CPZ: variants seen among roughly 807,000 people sequenced by gnomAD.
The protein encoded by CPZ is carboxypeptidase Z.
Under a neutral mutation model 61.8 loss-of-function variants are expected in CPZ, and 103 were observed. That is an observed-to-expected ratio of 1.67 (90% CI 1.42 to 1.96). The LOEUF (loss-of-function observed/expected upper bound fraction) is 1.96, where lower values mean the gene tolerates loss of function less well. Among genes scored for constraint, CPZ ranks in the 30% most tolerant of loss-of-function variants. CPZ has a pLI of 0.00. For synonymous variants in CPZ, 551 were observed against 373.7 expected, an observed-to-expected ratio of 1.47 and a Z score of -5.47; for missense variants, 1,461 against 914.9, an observed-to-expected ratio of 1.60 and a Z score of -7.70.
At chr4:8,600,976 A>G in intron 2 of CPZ, 147 bp from the exon 3 acceptor site, 7 of 1,405,222 alleles carry the variant, frequency 5.0e-6, no homozygotes, top group Admixed American at 3.1e-5. Context: ...CCTGCACAGT[A>G]GCTGTTGTCC....
Position 8,592,785 on chromosome 4 carries a change from C to A in CPZ, c.-49C>A. ...AGCGCAGAGCCCCGGCCCCGCGCGG[C>A]CCGAGTGCCACATCACTGCGCTGGC... On this transcript the variant is annotated 5_prime_UTR_variant, in exon 1 of 11. Transcript: ENST00000360986. The A allele has an allele frequency of 7.7e-7, 1 of 1,300,486 alleles. No homozygotes were observed. The highest frequency in any genetic ancestry group is 9.9e-7 in the Non-Finnish European group (1 of 1,007,630). The allele number at this position is 1,300,486 out of a possible 1,614,324, so 80.6% of individuals were successfully genotyped here. A position where few individuals can be genotyped will look rare whatever the true frequency, so the allele number is the denominator to read the frequency against.
intron 4 of CPZ, 145 bp from the exon 5 acceptor site, chr4:8,605,844 C>A: frequency 9.4e-6 from 7 of 744,480 alleles, no homozygotes; most frequent in East Asian, 8.2e-5. Context: ...TTGATGAGAC[C>A]TCATTATATA....
chr4:8,596,759 G>A (rs867208615), intron 1 of CPZ, among the ~76,000 whole-genome samples: 1 of 152,186 alleles, frequency 6.6e-6, no homozygotes, highest in Non-Finnish European at 1.5e-5. Flanking sequence ...GAAGCCACAG[G>A]AAGCCAGGAA....
chr4:8,594,367 C>T (rs1299139918), intron 1 of CPZ, among the ~76,000 whole-genome samples: 3 of 152,238 alleles, frequency 2.0e-5, no homozygotes, highest in African/African-American at 2.4e-5. Flanking sequence ...GGTGCTCTCT[C>T]CTCTCTGCCT....
rs1205694329 is a variant in CPZ at position 8,618,453 on chromosome 4, G to A, written c.1528G>A (p.Val510Met). The change falls in exon 10 of 11, where the codon GTG (valine) becomes ATG (methionine). Residue 510 changes from valine (V) to methionine (M), a missense_variant. Transcript: ENST00000360986. ...GGTGCACCGGGGCATCAAAGGTGTGGTGACAGATAAATTCGGCAAGCCAGT... is the reference window on the plus strand; with the variant it reads ...GGTGCACCGGGGCATCAAAGGTGTGATGACAGATAAATTCGGCAAGCCAGT... ...ETVHRGIKGVVTDKFGKPVKN... is the reference protein window; with the variant it reads ...ETVHRGIKGVMTDKFGKPVKN... 4 of 1,614,168 alleles carry A rather than the reference G, an allele frequency of 2.5e-6. No homozygotes were observed. The African/African-American group carries it at 4.0e-5, about 16-fold the overall frequency.
intron 4 of CPZ, 36 bp downstream of exon 4, chr4:8,604,224 T>C: frequency 6.7e-7 from 1 of 1,492,152 alleles, no homozygotes; most frequent in Non-Finnish European, 9.0e-7. Flanking sequence ...CTGGCCCCGT[T>C]TCGGGAAAGG....
In CPZ at chr4:8,611,900, G is replaced by A. The variant is rs2302576; in HGVS notation, c.1228-127G>A. ...ACACCGTTCCCCTCTCCTACCTGCAGACACCATTCCCCTCTCCTATCTGCA... is the reference window on the plus strand; with the variant it reads ...ACACCGTTCCCCTCTCCTACCTGCAAACACCATTCCCCTCTCCTATCTGCA... On this transcript the variant is annotated intron_variant, in intron 7 of 10. Coordinates refer to ENST00000360986, the MANE Select transcript of CPZ (RefSeq NM_001014447.3). The A allele has an allele frequency of 0.015, 20,467 of 1,342,960 alleles. 1,382 individuals carry two copies. In the East Asian group the frequency reaches 0.23, roughly 15 times the overall value. The allele number at this position is 1,342,960 out of a possible 1,614,324, so 83.2% of individuals were successfully genotyped here.
chr4:8,601,269 G>A lies in CPZ; in HGVS notation c.268G>A (p.Glu90Lys), dbSNP rs761264809. The A allele has an allele frequency of 3.1e-6, 5 of 1,613,612 alleles. No individual in the cohort carries two copies. In the South Asian group the frequency reaches 5.5e-5, roughly 18 times the overall value. ...GCTGAGCGTTCTACACCAGCTCCTG[G>A]AAGGCCAGTGCAACCCGGACCTGCG... ...ILLSVLHQLL[E>K]GQCNPDLRLL... The change falls in exon 3 of 11, where the codon GAA (glutamate) becomes AAA (lysine). Residue 90 changes from glutamate to lysine, a missense_variant. Transcript: ENST00000360986.
chr4:8,618,422 T>A lies in CPZ; in HGVS notation c.1504-7T>A. 6.2e-7 allele frequency: 1 copy of A among 1,614,058 alleles called. No individual in the cohort carries two copies. Among genetic ancestry groups the A allele is most frequent in the East Asian group, 2.2e-5 (1 of 44,878 alleles). On this transcript the variant is annotated splice_polypyrimidine_tract_variant and splice_region_variant and intron_variant, in intron 9 of 10. Coordinates refer to ENST00000360986, the MANE Select transcript of CPZ (RefSeq NM_001014447.3). ...CCATCTCCCTGGCCTCCCCTTGGTCTCTTCAGGTGCACCGGGGCATCAAAG... is the reference window on the plus strand; with the variant it reads ...CCATCTCCCTGGCCTCCCCTTGGTCACTTCAGGTGCACCGGGGCATCAAAG...
chr4:8,594,366 T>C (rs1463685829), intron 1 of CPZ, among the ~76,000 whole-genome samples: 2 of 152,192 alleles, frequency 1.3e-5, no homozygotes, highest in African/African-American at 2.4e-5. Context: ...TGGTGCTCTC[T>C]CCTCTCTGCC....
In CPZ at chr4:8,607,312, C is replaced by A. The variant is rs371681610; in HGVS notation, c.1114C>A (p.Pro372Thr). ...AATCATGAAGTGGATGCAGACCATA[C>A]CCTTTGTGCTCTCAGCCAGCCTTCA... ...KAIMKWMQTI[P>T]FVLSASLHGG... Residue 372 changes from proline (P) to threonine (T), a missense_variant, in exon 7 of 11, where the codon CCC becomes ACC. Pro to Thr is a conservative substitution (Grantham distance 38). Coordinates refer to ENST00000360986, the MANE Select transcript of CPZ (RefSeq NM_001014447.3). The A allele has an allele frequency of 2.5e-6, 4 of 1,614,114 alleles. No homozygotes were observed. The highest frequency in any genetic ancestry group is 2.2e-5 in the East Asian group (1 of 44,862).
At chr4:8,613,939 C>T (rs1047161943) in intron 8 of CPZ, among the ~76,000 whole-genome samples, 4 of 152,258 alleles carry the variant, frequency 2.6e-5, no homozygotes, top group South Asian at 2.1e-4. Flanking sequence ...GCGGCTGCCC[C>T]GTGCTGTGGG....
At chr4:8,607,060 G>GTGTTGGTGAGATTCAGAGATTCA (rs1243182808) in intron 6 of CPZ, among the ~76,000 whole-genome samples, 162 bp downstream of exon 6, 3 of 152,206 alleles carry the variant, frequency 2.0e-5, no homozygotes, top group Non-Finnish European at 4.4e-5. Context: ...CCTTGCTGGG[G>GTGTTGGTGAGATTCAGAGATTCA]TGTTGGTGAG....
At position 8,603,992 on chromosome 4, in the gene CPZ, C is replaced by G. The variant is rs146764659; in HGVS notation, c.513C>G (p.Asp171Glu). The G allele has an allele frequency of 1.2e-6, 2 of 1,611,966 alleles. No homozygotes were observed. The highest frequency in any genetic ancestry group is 8.5e-7 in the Non-Finnish European group (1 of 1,179,788). ...CTCCCCCAGGAGGCCTGGAGGCTGA[C>G]GAGGCACTGCCCTCAGGGCTGCCGC... Reference protein sequence around the residue: ...LEKLRGGLEADEALPSGLPPT... With the variant: ...LEKLRGGLEAEEALPSGLPPT... Residue 171 changes from aspartate to glutamate, a missense_variant, in exon 4 of 11, where the codon GAC (aspartate) becomes GAG (glutamate). Coordinates refer to ENST00000360986, the MANE Select transcript of CPZ (RefSeq NM_001014447.3).
chr4:8,598,433 C>G (rs1171371923), intron 1 of CPZ, among the ~76,000 whole-genome samples: 2 of 152,226 alleles, frequency 1.3e-5, no homozygotes, highest in African/African-American at 4.8e-5. Flanking sequence ...GGTTCTGTCC[C>G]AGGTTTTGGC....
At chr4:8,618,610 TCA>T (rs1296694755) in intron 10 of CPZ, 82 bp downstream of exon 10, 59 of 1,305,868 alleles carry the variant, frequency 4.5e-5, no homozygotes, top group Admixed American at 2.9e-4. Flanking sequence ...CCTCAGGCAC[TCA>T]CAGTGTGCCC....
At chr4:8,612,927 GCA>G (rs1390517381) in intron 8 of CPZ, among the ~76,000 whole-genome samples, 1 of 152,220 alleles carries the variant, frequency 6.6e-6, no homozygotes, top group Non-Finnish European at 1.5e-5. Context: ...GGCACTTCTT[GCA>G]CACTCTGAAG....
chr4:8,606,826 C>G lies in CPZ; in HGVS notation c.996C>G (p.Tyr332Ter). Reference sequence around the variant, plus strand: ...ATTTCCCGGACCTGACGTCCGAGTACTACCGGCTGGCGGAGACCCGCGGCG... The same window carrying G: ...ATTTCCCGGACCTGACGTCCGAGTAGTACCGGCTGGCGGAGACCCGCGGCG... ...NRNFPDLTSE[Y>*]YRLAETRGAR... The change falls in exon 6 of 11, where the codon TAC becomes TAG. Residue 332 changes from tyrosine to a stop codon, truncating the protein, a stop_gained. Coordinates refer to ENST00000360986, the MANE Select transcript of CPZ (RefSeq NM_001014447.3). LOFTEE classifies it high-confidence loss of function. The G allele has an allele frequency of 6.2e-7, 1 of 1,614,064 alleles. No individual in the cohort carries two copies. The highest frequency in any genetic ancestry group is 8.5e-7 in the Non-Finnish European group (1 of 1,180,006).
chr4:8,612,143 C>T lies in CPZ; in HGVS notation c.1344C>T (p.Asp448=). The T allele has an allele frequency of 7.0e-7, 1 of 1,432,106 alleles. No homozygotes were observed. Among genetic ancestry groups the T allele is most frequent in the Non-Finnish European group, 9.3e-7 (1 of 1,073,238 alleles). The allele number at this position is 1,432,106 out of a possible 1,614,324, so 88.7% of individuals were successfully genotyped here. ...LKRGSIINGA[D]WYSFTGGMSD... is the part of the protein sequence containing the mutation. The stretch of plus-strand genomic sequence containing the variant: ...GGGGGAGCATCATCAACGGGGCGGA[C>T]TGGTACAGCTTCACGGGAGGTGCGG... The change falls in exon 8 of 11, where the codon GAC becomes GAT. Residue 448 remains aspartate (D), a synonymous_variant. Coordinates refer to ENST00000360986, the MANE Select transcript of CPZ (RefSeq NM_001014447.3).
Sources: gnomAD v4.1 joint callset for allele counts (sites outside exome capture counted in the v4.1 genomes callset) on GRCh38, gnomAD v4.1.1 for gene constraint, MANE v1.5 for transcripts, NCBI Gene and HGNC (gene_info 2026-07-23, HGNC 2026-07-21) for gene names.